Variants in KIAA1671 observed in about 807,000 individuals in gnomAD.
KIAA1671 encodes the protein uncharacterized protein KIAA1671.
In KIAA1671, 52 loss-of-function variants were observed where a neutral mutation model predicts 131.2. The observed-to-expected ratio is 0.40, with a 90% confidence interval of 0.32 to 0.50. The LOEUF is 0.50. Among genes scored for constraint, KIAA1671 ranks in the 20% least tolerant of loss-of-function variants. The pLI, the probability that KIAA1671 is intolerant of heterozygous loss-of-function variation, is 0.73. For synonymous variants in KIAA1671, 1,003 were observed against 961.6 expected (o/e 1.04, Z -0.80); for missense variants, 2,360 against 2,364.2 (o/e 1.00, Z 0.04).
intron 1 of KIAA1671, among the ~76,000 whole-genome samples, chr22:24,981,235 C>G (rs1923220592): frequency 6.6e-6 from 1 of 152,086 alleles, no homozygotes; most frequent in South Asian, 2.1e-4. Context: ...TCGGTCACAT[C>G]CTGCTGTGTT....
chr22:24,999,313 C>T (rs547721841), intron 1 of KIAA1671, among the ~76,000 whole-genome samples: 3 of 151,864 alleles, frequency 2.0e-5, no homozygotes, highest in South Asian at 2.1e-4. Context: ...TGGTTCACTG[C>T]AGCCTCAACC....
At chr22:24,954,892 G>A (rs542348002) in intron 1 of KIAA1671, among the ~76,000 whole-genome samples, 6 of 152,034 alleles carry the variant, frequency 3.9e-5, no homozygotes, top group African/African-American at 1.2e-4. Flanking sequence ...GCAATTCTCC[G>A]GCCTCAGCCT....
chr22:24,973,837 AAT>A (rs1922769806), intron 1 of KIAA1671, among the ~76,000 whole-genome samples: 1 of 152,184 alleles, frequency 6.6e-6, no homozygotes, highest in Non-Finnish European at 1.5e-5. Context: ...ACACTTAATA[AAT>A]ATTTGTCAAA....
At chr22:25,002,193 A>G (rs1400596650) in intron 1 of KIAA1671, among the ~76,000 whole-genome samples, 4 of 152,102 alleles carry the variant, frequency 2.6e-5, no homozygotes, top group Non-Finnish European at 4.4e-5. Flanking sequence ...TCCAGGAAAA[A>G]AACCACTTTG....
intron 1 of KIAA1671, among the ~76,000 whole-genome samples, chr22:24,998,043 A>G (rs1924235320): frequency 6.6e-6 from 1 of 152,170 alleles, no homozygotes; most frequent in African/African-American, 2.4e-5. Flanking sequence ...TTGCAGTACA[A>G]ATATTCTTGA....
intron 6 of KIAA1671, among the ~76,000 whole-genome samples, chr22:25,073,455 A>C (rs1238496524): frequency 6.6e-6 from 1 of 152,246 alleles, no homozygotes; most frequent in Non-Finnish European, 1.5e-5. Flanking sequence ...ATACATATAC[A>C]TAGTGAAATT....
At chr22:25,181,875 G>A (rs1042828446) in intron 10 of KIAA1671, 52 bp downstream of exon 10, 1 of 1,537,258 alleles carries the variant, frequency 6.5e-7, no homozygotes, top group South Asian at 1.2e-5. Context: ...CTCAACCTTA[G>A]CAGTGTAAAG....
chr22:24,992,047 G>T (rs1923867361), intron 1 of KIAA1671, among the ~76,000 whole-genome samples: 4 of 152,124 alleles, frequency 2.6e-5, no homozygotes, highest in Admixed American at 6.5e-5. Flanking sequence ...CATTTACAGA[G>T]CGGGCAGGAC....
intron 1 of KIAA1671, among the ~76,000 whole-genome samples, chr22:24,967,801 G>T (rs978072938): frequency 3.9e-5 from 6 of 152,124 alleles, no homozygotes; most frequent in Non-Finnish European, 8.8e-5. Context: ...GACCATCCTG[G>T]CTAACACGGT....
chr22:24,972,839 A>G (rs1350231524), intron 1 of KIAA1671, among the ~76,000 whole-genome samples: 1 of 152,226 alleles, frequency 6.6e-6, no homozygotes, highest in Non-Finnish European at 1.5e-5. Flanking sequence ...GTCCGTTCAT[A>G]AACCAGAACT....
intron 1 of KIAA1671, among the ~76,000 whole-genome samples, chr22:24,960,002 G>T (rs1015855679): frequency 3.3e-5 from 5 of 151,810 alleles, no homozygotes. Context: ...GCCAGGTGTG[G>T]TGGCGCCTGT....
At chr22:24,963,478 G>C (rs1922122796) in intron 1 of KIAA1671, among the ~76,000 whole-genome samples, 1 of 151,994 alleles carries the variant, frequency 6.6e-6, no homozygotes, top group African/African-American at 2.4e-5. Flanking sequence ...TGGGTGGGGA[G>C]GGAGCATCTG....
At chr22:25,149,977 G>A (rs748784439) in intron 6 of KIAA1671, among the ~76,000 whole-genome samples, 1 of 151,980 alleles carries the variant, frequency 6.6e-6, no homozygotes, top group Non-Finnish European at 1.5e-5. Flanking sequence ...CTCCAGCCTC[G>A]GCCTTTGCGC....
chr22:25,111,337 C>T (rs1931332977), intron 6 of KIAA1671, among the ~76,000 whole-genome samples: 1 of 152,250 alleles, frequency 6.6e-6, no homozygotes, highest in Non-Finnish European at 1.5e-5. Flanking sequence ...AAGTTGCCAT[C>T]AGCCCCGAGG....
intron 11 of KIAA1671, chr22:25,185,640 A>AGGC (rs1294853040): frequency 6.6e-6 from 1 of 152,594 alleles, no homozygotes; most frequent in African/African-American, 2.4e-5. Context: ...AGAGGCTCTC[A>AGGC]GGCTCTCAGA....
At chr22:25,018,724 C>G (rs781231278) in intron 1 of KIAA1671, among the ~76,000 whole-genome samples, 3 of 152,148 alleles carry the variant, frequency 2.0e-5, no homozygotes, top group Admixed American at 2.0e-4. Flanking sequence ...CGTATTGTAG[C>G]ATATTGTAGA....
intron 6 of KIAA1671, among the ~76,000 whole-genome samples, chr22:25,164,978 C>CGTGCGT (rs1933592884): frequency 8.6e-6 from 1 of 116,584 alleles, no homozygotes; most frequent in Non-Finnish European, 1.7e-5. Flanking sequence ...GAGTTGCAGG[C>CGTGCGT]GTGTGTGTGT....
chr22:25,041,522 C>G lies in KIAA1671; in HGVS notation c.4392C>G (p.His1464Gln). 1.3e-6 allele frequency: 2 copies of G among 1,538,412 alleles called. No individual in the cohort carries two copies. Among genetic ancestry groups the G allele is most frequent in the East Asian group, 2.5e-5 (1 of 40,786 alleles). ...GGGAGTCAGGGACTGGAGACAGTCACAAGGTAAGTACCGAGACACTTTTTA... is the reference window on the plus strand; with the variant it reads ...GGGAGTCAGGGACTGGAGACAGTCAGAAGGTAAGTACCGAGACACTTTTTA... ...CWWESGTGDSHKVLPRDLEKE... is the reference protein window; with the variant it reads ...CWWESGTGDSQKVLPRDLEKE... Residue 1464 changes from histidine to glutamine, a missense_variant, in exon 5 of 13, where the codon CAC becomes CAG. Physicochemically the swap from His to Gln is conservative, Grantham distance 24. Transcript: ENST00000358431.
At chr22:25,137,052 A>G (rs1287739336) in intron 6 of KIAA1671, among the ~76,000 whole-genome samples, 1 of 152,160 alleles carries the variant, frequency 6.6e-6, no homozygotes, top group Non-Finnish European at 1.5e-5. Flanking sequence ...TGGTGAGCCT[A>G]TAGCAGGGTA....
Sources: allele counts gnomAD v4.1 joint callset (sites outside exome capture counted in the v4.1 genomes callset), GRCh38; gene constraint gnomAD v4.1.1; transcripts MANE v1.5; gene names NCBI Gene and HGNC (gene_info 2026-07-23, HGNC 2026-07-21).